Variants in KLHDC4 observed in about 807,000 individuals in gnomAD.
KLHDC4 encodes kelch domain containing 4.
A neutral mutation model predicts 62.4 loss-of-function variants in KLHDC4; 90 were observed. The ratio of observed to expected loss-of-function variants is 1.44; its 90% CI spans 1.22 to 1.72. The LOEUF (loss-of-function observed/expected upper bound fraction) is 1.72, where lower values mean the gene tolerates loss of function less well. Ranked by LOEUF, KLHDC4 falls within the 40% of genes most tolerant of loss-of-function variation. The pLI is 0.00. For missense variants in KLHDC4, 1,025 were observed against 699.7 expected (o/e 1.47, Z -5.25); for synonymous variants, 386 against 284.4 (o/e 1.36, Z -3.59).
At chr16:87,724,246 A>G (rs1463447464) in intron 7 of KLHDC4, among the ~76,000 whole-genome samples, 1 of 152,222 alleles carries the variant, frequency 6.6e-6, no homozygotes, top group Non-Finnish European at 1.5e-5. Context: ...CGGGCAGATC[A>G]CAGGGCTAAC....
chr16:87,714,639 C>A, intron 7 of KLHDC4, 66 bp from the exon 8 acceptor site: 1 of 1,555,452 alleles, frequency 6.4e-7, no homozygotes, highest in Non-Finnish European at 8.9e-7. Flanking sequence ...GACCCCCCAA[C>A]CCTGTGGGCG....
chr16:87,714,529 C>T lies in KLHDC4; in HGVS notation c.804G>A (p.Met268Ile). 6.2e-7 allele frequency: 1 copy of T among 1,614,204 alleles called. No individual in the cohort carries two copies. Among genetic ancestry groups the T allele is most frequent in the African/African-American group, 1.3e-5 (1 of 75,058 alleles). The change falls in exon 8 of 12, where the codon ATG (methionine) becomes ATA (isoleucine). Residue 268 changes from methionine (M) to isoleucine (I), a missense_variant. By Grantham distance (10) the Met-to-Ile change is conservative. Coordinates refer to ENST00000270583, the MANE Select transcript of KLHDC4 (RefSeq NM_017566.4). ...DVDKGTRHSDMFLLKPEDGRE... is the reference protein window; with the variant it reads ...DVDKGTRHSDIFLLKPEDGRE... ...TTCCGTCCTCTGGCTTCAGCAGGAACATGTCTGAGTGCCGTGTGCCCTTGT... is the reference window on the plus strand; with the variant it reads ...TTCCGTCCTCTGGCTTCAGCAGGAATATGTCTGAGTGCCGTGTGCCCTTGT...
chr16:87,757,146 T>A (rs376571129), intron 2 of KLHDC4, among the ~76,000 whole-genome samples: 2 of 151,674 alleles, frequency 1.3e-5, no homozygotes, highest in East Asian at 3.9e-4. Flanking sequence ...GAGCCTATCC[T>A]GTCAAATCAC....
At chr16:87,714,407 CG>C in intron 8 of KLHDC4, 90 bp downstream of exon 8, 2 of 1,529,540 alleles carry the variant, frequency 1.3e-6, no homozygotes, top group Non-Finnish European at 1.8e-6. Flanking sequence ...AGGGGCTCAC[CG>C]CCAGCCCCAC....
intron 2 of KLHDC4, among the ~76,000 whole-genome samples, chr16:87,758,550 G>T (rs1423571047): frequency 6.6e-6 from 1 of 152,130 alleles, no homozygotes; most frequent in Non-Finnish European, 1.5e-5. Flanking sequence ...TGGGGGAGGG[G>T]AAACAGGGAG....
intron 9 of KLHDC4, 149 bp from the exon 10 acceptor site, chr16:87,709,816 C>T: frequency 2.2e-6 from 2 of 914,234 alleles, no homozygotes; most frequent in Admixed American, 2.9e-5. Context: ...CCTGACTGCC[C>T]TGGGTGCAGG....
At chr16:87,721,165 A>C (rs908256377) in intron 7 of KLHDC4, among the ~76,000 whole-genome samples, 10 of 152,350 alleles carry the variant, frequency 6.6e-5, no homozygotes, top group African/African-American at 2.2e-4. Context: ...TCATGCCTGT[A>C]ATCCCAGCAC....
intron 5 of KLHDC4, among the ~76,000 whole-genome samples, chr16:87,747,419 A>G (rs1357260611): frequency 6.6e-6 from 1 of 152,262 alleles, no homozygotes; most frequent in Non-Finnish European, 1.5e-5. Context: ...GAGTGGAAAT[A>G]CGTGAGCTTC....
chr16:87,742,060 C>A (rs1400600878), intron 5 of KLHDC4, among the ~76,000 whole-genome samples: 1 of 152,130 alleles, frequency 6.6e-6, no homozygotes, highest in Admixed American at 6.5e-5. Flanking sequence ...TTTGTTGTGG[C>A]TGAATCTCCT....
intron 5 of KLHDC4, among the ~76,000 whole-genome samples, chr16:87,735,381 G>A (rs985721761): frequency 1.3e-5 from 2 of 151,322 alleles, no homozygotes; most frequent in Non-Finnish European, 2.9e-5. Context: ...GAGGAGAACC[G>A]AGCGCTGCCA....
At chr16:87,752,485 C>T (rs1401092341) in intron 4 of KLHDC4, among the ~76,000 whole-genome samples, 5 of 151,942 alleles carry the variant, frequency 3.3e-5, no homozygotes, top group East Asian at 3.9e-4. Context: ...TACAGGCACG[C>T]GCCACGACGC....
chr16:87,708,300 T>C (rs1277732322), intron 11 of KLHDC4, 50 bp downstream of exon 11: 1 of 1,257,372 alleles, frequency 8.0e-7, no homozygotes, highest in Admixed American at 2.2e-5. Flanking sequence ...ATGAAAAGCC[T>C]TTCACGAACA....
chr16:87,724,855 C>T (rs2039061210), intron 7 of KLHDC4, among the ~76,000 whole-genome samples: 1 of 152,202 alleles, frequency 6.6e-6, no homozygotes, highest in Non-Finnish European at 1.5e-5. Context: ...GAGAAACCAA[C>T]ACACGCAGCC....
intron 5 of KLHDC4, among the ~76,000 whole-genome samples, chr16:87,741,179 G>C (rs1255326927): frequency 6.6e-6 from 1 of 152,208 alleles, no homozygotes; most frequent in Non-Finnish European, 1.5e-5. Flanking sequence ...GACAATGAGA[G>C]ACTGTTAAAA....
At chr16:87,708,200 G>A (rs913536880) in intron 11 of KLHDC4, 125 bp from the exon 12 acceptor site, 24 of 620,186 alleles carry the variant, frequency 3.9e-5, no homozygotes, top group Middle Eastern at 2.6e-4. Context: ...ACAGGCACAC[G>A]GCACTCATTA....
chr16:87,700,835 AGGG>A (rs1348248051), exon 1 of KLHDC4: 46 of 120,490 alleles, frequency 3.8e-4, no homozygotes, highest in African/African-American at 2.0e-3. Context: ...AGGAGGTTGG[AGGG>A]CGGAGGGAGG....
chr16:87,754,928 G>C (rs976900413), intron 4 of KLHDC4, among the ~76,000 whole-genome samples: 6 of 152,100 alleles, frequency 3.9e-5, no homozygotes, highest in South Asian at 2.1e-4. Context: ...TTCTGCCAGT[G>C]GCTGCGACAC....
At chr16:87,727,379 G>C (rs374965588) in intron 6 of KLHDC4, among the ~76,000 whole-genome samples, 1 of 152,258 alleles carries the variant, frequency 6.6e-6, no homozygotes, top group East Asian at 1.9e-4. Flanking sequence ...AAGGGCAGCA[G>C]TGAATGGCGC....
intron 1 of KLHDC4, chr16:87,765,300 G>T (rs1461950331): frequency 8.8e-6 from 4 of 456,140 alleles, no homozygotes; most frequent in African/African-American, 2.0e-5. Flanking sequence ...TTAACCATCT[G>T]CTGCTCACTG....
Sources: allele counts gnomAD v4.1 joint callset (sites outside exome capture counted in the v4.1 genomes callset), GRCh38; gene constraint gnomAD v4.1.1; transcripts MANE v1.5; gene names NCBI Gene and HGNC (gene_info 2026-07-23, HGNC 2026-07-21).